RABEP1: variants seen among roughly 807,000 people sequenced by gnomAD.
RABEP1 encodes rab GTPase-binding effector protein 1.
RABEP1 carries 51 observed loss-of-function variants against 123.4 expected under a neutral mutation model. The ratio of observed to expected loss-of-function variants is 0.41; its 90% CI spans 0.33 to 0.52. The LOEUF is 0.52. Among genes scored for constraint, RABEP1 ranks in the 20% least tolerant of loss-of-function variants. RABEP1 has a pLI of 0.16. For synonymous variants in RABEP1, 347 were observed against 355.2 expected (o/e 0.98, Z 0.26); for missense variants, 888 against 996.3 (o/e 0.89, Z 1.46).
rs905994737 is a variant in RABEP1 at position 5,385,040 on chromosome 17, C to G, written c.*1817C>G. ...TGTTCTGCTGAGACTGAGCACCTTACAGATATTTTTCTCCAGAAGATGGTG... is the reference window on the plus strand; with the variant it reads ...TGTTCTGCTGAGACTGAGCACCTTAGAGATATTTTTCTCCAGAAGATGGTG... On this transcript the variant is annotated 3_prime_UTR_variant, in exon 18 of 18. Transcript: ENST00000537505. 3.5e-5 allele frequency: 8 copies of G among 228,516 alleles called. No individual in the cohort carries two copies. Among genetic ancestry groups the G allele is most frequent in the Non-Finnish European group, 6.1e-5 (7 of 115,284 alleles). The allele number at this position is 228,516 out of a possible 1,614,324, so 14.2% of individuals were successfully genotyped here. A position where few individuals can be genotyped will look rare whatever the true frequency, so the allele number is the denominator to read the frequency against.
At chr17:5,380,015 CCTTGTCTTT>C (rs1297420433) in intron 15 of RABEP1, among the ~76,000 whole-genome samples, 2 of 152,180 alleles carry the variant, frequency 1.3e-5, no homozygotes, top group Admixed American at 1.3e-4. Flanking sequence ...CCCTTGTCAC[CCTTGTCTTT>C]GCCCTGTAAA....
chr17:5,377,486 A>G (rs745931107), intron 14 of RABEP1, among the ~76,000 whole-genome samples, 181 bp downstream of exon 14: 2 of 151,464 alleles, frequency 1.3e-5, no homozygotes, highest in Non-Finnish European at 2.9e-5. Flanking sequence ...ATTCTGATAT[A>G]GTCAAATAAT....
intron 2 of RABEP1, among the ~76,000 whole-genome samples, chr17:5,329,793 T>TA (rs911422151): frequency 1.3e-5 from 2 of 148,716 alleles, no homozygotes; most frequent in Non-Finnish European, 3.0e-5. Context: ...TTTATATATA[T>TA]AAATATAACA....
intron 1 of RABEP1, among the ~76,000 whole-genome samples, chr17:5,307,356 TACTC>T (rs1470929008): frequency 2.0e-5 from 3 of 152,212 alleles, no homozygotes; most frequent in African/African-American, 7.2e-5. Flanking sequence ...ATAATTCTGT[TACTC>T]ATAGATAAAT....
At chr17:5,382,608 C>T (rs144887055) in intron 17 of RABEP1, among the ~76,000 whole-genome samples, 3,772 of 151,788 alleles carry the variant, frequency 0.025, 152 homozygotes, top group African/African-American at 0.086. Flanking sequence ...AAAAATTAGC[C>T]GGGCATGGTG....
At chr17:5,311,720 A>AAC (rs2075244337) in intron 2 of RABEP1, among the ~76,000 whole-genome samples, 1 of 139,172 alleles carries the variant, frequency 7.2e-6, no homozygotes, top group Non-Finnish European at 1.5e-5. Flanking sequence ...AAAAAAAAAA[A>AAC]CAGACTAAAA....
At chr17:5,339,157 A>G (rs558039468) in intron 5 of RABEP1, among the ~76,000 whole-genome samples, 138 of 152,266 alleles carry the variant, frequency 9.1e-4, no homozygotes, top group African/African-American at 3.1e-3. Flanking sequence ...CACCCAAAGA[A>G]AAAAAGGAAG....
intron 11 of RABEP1, among the ~76,000 whole-genome samples, chr17:5,366,436 A>G (rs770850910): frequency 5.3e-5 from 8 of 151,976 alleles, no homozygotes; most frequent in Non-Finnish European, 1.2e-4. Flanking sequence ...TCTTTTACTC[A>G]GTAGCTTATA....
chr17:5,363,467 C>T (rs1192790546), intron 10 of RABEP1, among the ~76,000 whole-genome samples: 1 of 152,108 alleles, frequency 6.6e-6, no homozygotes, highest in Non-Finnish European at 1.5e-5. Context: ...ATCCACCTGC[C>T]TCAGCCTCCC....
chr17:5,383,893 ACTGGAAGTTGAAGGTTAAAGGAAAAG>A lies in RABEP1; in HGVS notation c.*672_*697del. 4.5e-6 allele frequency: 1 copy of A among 223,310 alleles called. No homozygotes were observed. Among genetic ancestry groups the A allele is most frequent in the South Asian group, 1.8e-4 (1 of 5,418 alleles). 13.8% of individuals were successfully genotyped at this position (223,310 alleles called of 1,614,324 possible). On this transcript the variant is annotated 3_prime_UTR_variant, in exon 18 of 18. Coordinates refer to ENST00000537505, the MANE Select transcript of RABEP1 (RefSeq NM_004703.6). ...TGAAAACTTGGCTGGGGCTATATAT[ACTGGAAGTTGAAGGTTAAAGGAAAAG>A]CACAAGAAACTTTGGAAGCACTTTT...
At chr17:5,329,936 C>T (rs368515710) in intron 2 of RABEP1, among the ~76,000 whole-genome samples, 1 of 151,592 alleles carries the variant, frequency 6.6e-6, no homozygotes, top group Non-Finnish European at 1.5e-5. Flanking sequence ...TATTTGTTTA[C>T]AGTTTTTCTG....
chr17:5,379,200 C>T (rs1247352193), intron 15 of RABEP1, among the ~76,000 whole-genome samples: 1 of 152,208 alleles, frequency 6.6e-6, no homozygotes, highest in Non-Finnish European at 1.5e-5. Flanking sequence ...CAGGCAGGGC[C>T]ACCTTCAGCT....
intron 10 of RABEP1, among the ~76,000 whole-genome samples, chr17:5,364,004 T>C (rs1909798232): frequency 6.6e-6 from 1 of 152,232 alleles, no homozygotes. Flanking sequence ...GATTGTTCCC[T>C]TAGCCTTCAA....
At position 5,365,209 on chromosome 17, in the gene RABEP1, A is replaced by G; in HGVS notation, c.1756A>G (p.Lys586Glu). 1 of 1,610,756 alleles carries G rather than the reference A, an allele frequency of 6.2e-7. No homozygotes were observed. The highest frequency in any genetic ancestry group is 8.5e-7 in the Non-Finnish European group (1 of 1,178,744). ...KDKQELEDFIKQSSEDSSHQI... is the reference protein window; with the variant it reads ...KDKQELEDFIEQSSEDSSHQI... ...TAAGCAGGAGCTGGAAGACTTCATA[A>G]AGCAAAGCAGCGAAGATTCGAGTCA... is the stretch of plus-strand genomic sequence containing the variant. The change falls in exon 11 of 18, where the codon AAG becomes GAG. Residue 586 changes from lysine (K) to glutamate (E), a missense_variant. Coordinates refer to ENST00000537505, the MANE Select transcript of RABEP1 (RefSeq NM_004703.6).
chr17:5,380,518 A>T, intron 16 of RABEP1, 56 bp downstream of exon 16: 1 of 1,332,316 alleles, frequency 7.5e-7, no homozygotes, highest in Non-Finnish European at 1.0e-6. Flanking sequence ...ATGCAGGATC[A>T]CATCTTGCTT....
At chr17:5,377,511 A>G (rs971919997) in intron 14 of RABEP1, among the ~76,000 whole-genome samples, 1 of 135,450 alleles carries the variant, frequency 7.4e-6, no homozygotes, top group Non-Finnish European at 1.6e-5. Flanking sequence ...AATTCTGGTT[A>G]TTTAAAAAAT....
At chr17:5,362,681 G>A (rs1437835518) in intron 9 of RABEP1, among the ~76,000 whole-genome samples, 2 of 152,212 alleles carry the variant, frequency 1.3e-5, no homozygotes, top group African/African-American at 4.8e-5. Flanking sequence ...CACATGTGAT[G>A]TTTTGTGCCT....
At chr17:5,322,588 CAA>C (rs1041684716) in intron 2 of RABEP1, among the ~76,000 whole-genome samples, 26 of 152,094 alleles carry the variant, frequency 1.7e-4, no homozygotes, top group African/African-American at 6.0e-4. Context: ...AGCAAATCAA[CAA>C]AGAGACATCA....
At chr17:5,290,189 G>A (rs1035876284) in intron 1 of RABEP1, among the ~76,000 whole-genome samples, 5 of 152,172 alleles carry the variant, frequency 3.3e-5, no homozygotes, top group East Asian at 1.9e-4. Flanking sequence ...CTGGGTTCAC[G>A]CCATTCTCCT....
Sources: allele counts gnomAD v4.1 joint callset (sites outside exome capture counted in the v4.1 genomes callset), GRCh38; gene constraint gnomAD v4.1.1; transcripts MANE v1.5; gene names NCBI Gene and HGNC (gene_info 2026-07-23, HGNC 2026-07-21).